SORCS1: variants seen among roughly 807,000 people sequenced by gnomAD.
The protein encoded by SORCS1 is sortilin related VPS10 domain containing receptor 1.
In SORCS1, 60 loss-of-function variants were observed where a neutral mutation model predicts 146.1. The observed-to-expected ratio is 0.41, with a 90% CI of 0.33 to 0.51. The LOEUF (loss-of-function observed/expected upper bound fraction) is 0.51, where lower values mean the gene tolerates loss of function less well. Among genes scored for constraint, SORCS1 ranks in the 20% least tolerant of loss-of-function variants. The pLI is 0.21. For synonymous variants in SORCS1, 637 were observed against 584.0 expected (o/e 1.09, Z -1.31); for missense variants, 1,352 against 1,487.6 (o/e 0.91, Z 1.50).
intron 6 of SORCS1, among the ~76,000 whole-genome samples, chr10:106,725,441 C>G (rs1383521470): frequency 6.6e-6 from 1 of 151,810 alleles, no homozygotes; most frequent in African/African-American, 2.4e-5. Context: ...ATCCCAGCTA[C>G]TCAGGAGGCT....
At chr10:106,694,665 A>G (rs921983026) in intron 9 of SORCS1, among the ~76,000 whole-genome samples, 6 of 152,238 alleles carry the variant, frequency 3.9e-5, no homozygotes, top group African/African-American at 1.4e-4. Flanking sequence ...GATGTATGCT[A>G]TATTATCATA....
intron 3 of SORCS1, among the ~76,000 whole-genome samples, chr10:106,786,535 A>G (rs1366536093): frequency 6.6e-6 from 1 of 152,136 alleles, no homozygotes; most frequent in Admixed American, 6.5e-5. Flanking sequence ...GAAGGTGCAA[A>G]GCTTTGCATG....
At chr10:107,088,288 T>G (rs1009458788) in intron 1 of SORCS1, among the ~76,000 whole-genome samples, 2 of 152,144 alleles carry the variant, frequency 1.3e-5, no homozygotes, top group Non-Finnish European at 2.9e-5. Flanking sequence ...AATTCACCAT[T>G]TTATCCATAG....
intron 18 of SORCS1, among the ~76,000 whole-genome samples, chr10:106,646,350 A>T (rs909090828): frequency 9.2e-5 from 14 of 152,196 alleles, no homozygotes; most frequent in African/African-American, 3.1e-4. Context: ...GTTTTAAAAA[A>T]GTCTTTGCAT....
At chr10:106,640,457 C>G (rs1164647611) in intron 18 of SORCS1, among the ~76,000 whole-genome samples, 1 of 152,212 alleles carries the variant, frequency 6.6e-6, no homozygotes, top group Non-Finnish European at 1.5e-5. Flanking sequence ...ATTTTCGTCC[C>G]TAGCCTCAGA....
chr10:106,706,709 T>C, intron 7 of SORCS1, 75 bp from the exon 8 acceptor site: 1 of 1,374,940 alleles, frequency 7.3e-7, no homozygotes, highest in Non-Finnish European at 1.0e-6. Flanking sequence ...GTCACCTGAA[T>C]GGAAGGAGGA....
intron 17 of SORCS1, among the ~76,000 whole-genome samples, chr10:106,665,716 C>A (rs1024229718): frequency 5.3e-5 from 8 of 152,082 alleles, no homozygotes; most frequent in African/African-American, 1.4e-4. Flanking sequence ...ACCAAAATGA[C>A]TTTATCATGC....
intron 2 of SORCS1, among the ~76,000 whole-genome samples, chr10:106,909,259 C>T (rs1258913817): frequency 6.6e-6 from 1 of 152,238 alleles, no homozygotes. Flanking sequence ...CAATCTATTG[C>T]TCTCATGCTG....
At chr10:107,130,512 CTTA>C (rs1265067809) in intron 1 of SORCS1, among the ~76,000 whole-genome samples, 2 of 152,172 alleles carry the variant, frequency 1.3e-5, no homozygotes, top group Non-Finnish European at 2.9e-5. Context: ...CTGGGAGCAA[CTTA>C]TTTAGAGTTG....
chr10:106,653,401 C>T (rs953510529), intron 17 of SORCS1, among the ~76,000 whole-genome samples: 1 of 152,120 alleles, frequency 6.6e-6, no homozygotes, highest in African/African-American at 2.4e-5. Context: ...AGTGGTAGAG[C>T]CCAAATAAGA....
At chr10:106,717,284 T>C (rs1433951863) in intron 6 of SORCS1, among the ~76,000 whole-genome samples, 1 of 152,246 alleles carries the variant, frequency 6.6e-6, no homozygotes, top group East Asian at 1.9e-4. Flanking sequence ...TTCTCACTCA[T>C]CACGCACGCA....
intron 2 of SORCS1, among the ~76,000 whole-genome samples, chr10:106,948,571 G>A (rs1265390349): frequency 6.6e-6 from 1 of 151,868 alleles, no homozygotes; most frequent in East Asian, 1.9e-4. Flanking sequence ...TTACTTGGGA[G>A]GCTGAGGCTG....
intron 5 of SORCS1, among the ~76,000 whole-genome samples, chr10:106,754,096 G>A (rs1170256930): frequency 1.3e-5 from 2 of 152,046 alleles, no homozygotes; most frequent in Admixed American, 1.3e-4. Flanking sequence ...TCTCTCCTGG[G>A]GCATCATATT....
chr10:106,614,944 G>A (rs911753768), intron 21 of SORCS1, among the ~76,000 whole-genome samples: 2 of 152,218 alleles, frequency 1.3e-5, no homozygotes, highest in Middle Eastern at 3.4e-3. Flanking sequence ...AAGAAACAAT[G>A]CAAACTAGAT....
intron 2 of SORCS1, among the ~76,000 whole-genome samples, chr10:106,907,072 C>A (rs1296006601): frequency 1.3e-5 from 2 of 152,158 alleles, no homozygotes; most frequent in Non-Finnish European, 2.9e-5. Flanking sequence ...GAAACAGGCA[C>A]CCAAATAACT....
rs1297437236 is a variant in SORCS1 at position 106,639,207 on chromosome 10, G to A, written c.2476-9819C>T. 2.0e-5 allele frequency among the ~76,000 whole-genome samples: 3 copies of A among 152,208 alleles called. No homozygotes were observed. In the South Asian group the frequency reaches 6.2e-4, roughly 32 times the overall value. On this transcript the variant is annotated intron_variant, in intron 18 of 25. Transcript: ENST00000263054. ...TGAGGAAGTTACTCACTCAGGCGAG[G>A]ATTGCATGGTGTGGTGAAACCCTGA...
At chr10:106,977,449 G>A (rs1956075191) in intron 1 of SORCS1, among the ~76,000 whole-genome samples, 4 of 152,068 alleles carry the variant, frequency 2.6e-5, no homozygotes, top group Admixed American at 6.6e-5. Flanking sequence ...CAGATGGGTC[G>A]ATTGCAAAAA....
At chr10:106,725,680 C>T (rs1212046737) in intron 6 of SORCS1, among the ~76,000 whole-genome samples, 1 of 151,876 alleles carries the variant, frequency 6.6e-6, no homozygotes, top group Non-Finnish European at 1.5e-5. Context: ...CTTGTAATCC[C>T]AGTACTTTGA....
chr10:106,813,816 G>T (rs1564690272), intron 3 of SORCS1, among the ~76,000 whole-genome samples: 2 of 152,118 alleles, frequency 1.3e-5, no homozygotes, highest in Non-Finnish European at 2.9e-5. Context: ...ACAGTGGGCG[G>T]TGTCATGTGC....
Sources: gnomAD v4.1 joint callset for allele counts (sites outside exome capture counted in the v4.1 genomes callset) on GRCh38, gnomAD v4.1.1 for gene constraint, MANE v1.5 for transcripts, NCBI Gene and HGNC (gene_info 2026-07-23, HGNC 2026-07-21) for gene names.